PSME3: variants seen among roughly 807,000 people sequenced by gnomAD.
PSME3 encodes proteasome activator complex subunit 3.
A neutral mutation model predicts 38.3 loss-of-function variants in PSME3; 7 were observed. The ratio of observed to expected loss-of-function variants is 0.18; its 90% CI spans 0.10 to 0.34. The LOEUF (loss-of-function observed/expected upper bound fraction) is 0.34. Among genes scored for constraint, PSME3 ranks in the 10% least tolerant of loss-of-function variants. The pLI is 1.00. For synonymous variants in PSME3, 108 were observed against 105.7 expected, an observed-to-expected ratio of 1.02 and a Z score of -0.13; for missense variants, 192 against 307.6, an observed-to-expected ratio of 0.62 and a Z score of 2.81.
rs2055543161 is a variant in PSME3, at chr17:42,842,238, A to C, written c.*660A>C. The C allele has an allele frequency of 6.6e-6, 1 of 152,570 alleles. No homozygotes were observed. The highest frequency in any genetic ancestry group is 2.1e-4 in the South Asian group (1 of 4,834). The allele number at this position is 152,570 out of a possible 1,614,324, so 9.5% of individuals were successfully genotyped here. A position where few individuals can be genotyped will look rare whatever the true frequency, so the allele number is the denominator to read the frequency against. ...TGTATGCATGTATACGCCCATACAG[A>C]CATGCACACACAGACTCCTACTCCA... is the stretch of plus-strand genomic sequence containing the variant. On this transcript the variant is annotated 3_prime_UTR_variant, in exon 11 of 11. Transcript: ENST00000590720.
At chr17:42,834,108 A>C (rs563690237) in intron 1 of PSME3, 1 of 1,454,402 alleles carries the variant, frequency 6.9e-7, no homozygotes, top group South Asian at 1.5e-5. Context: ...CTTCAGACAC[A>C]GGAGGAAGGG....
Position 42,838,989 on chromosome 17 carries a change from A to G in PSME3, c.519A>G (p.Ala173=), listed in dbSNP as rs376102848. 9.3e-6 allele frequency: 15 copies of G among 1,614,066 alleles called. No individual in the cohort carries two copies. The highest frequency in any genetic ancestry group is 1.1e-5 in the South Asian group (1 of 91,092). The change falls in exon 8 of 11, where the codon GCA becomes GCG. Residue 173 remains alanine, a synonymous_variant. Transcript: ENST00000590720. ...AELRTVESEA[A]SYLDQISRYY... ...TAAGAACTGTTGAGAGTGAAGCTGC[A>G]TCTTATCTGGACCAGATTTCTAGGT...
intron 4 of PSME3, among the ~76,000 whole-genome samples, chr17:42,835,534 G>C (rs1005751618): frequency 6.6e-6 from 1 of 152,044 alleles, no homozygotes; most frequent in Non-Finnish European, 1.5e-5. Flanking sequence ...GACCATCCTG[G>C]CTAACACCGT....
chr17:42,837,214 C>G (rs1243104852), intron 4 of PSME3, among the ~76,000 whole-genome samples: 3 of 152,150 alleles, frequency 2.0e-5, no homozygotes, highest in African/African-American at 7.2e-5. Flanking sequence ...CCACGCCCAG[C>G]TAATTTTTGT....
chr17:42,837,156 G>A (rs1202085359), intron 4 of PSME3, among the ~76,000 whole-genome samples: 2 of 152,048 alleles, frequency 1.3e-5, no homozygotes, highest in African/African-American at 4.8e-5. Context: ...GGTTCAAGCA[G>A]TTCTCTGCAT....
In PSME3 at chr17:42,839,176, G is replaced by C. The variant is rs1295703222; in HGVS notation, c.597+10G>C. ...TAAATATCCCCATGTGGTAAGTAAGGGGTTTGTGGCCTGAGGGTGGAGGTG... is the reference window on the plus strand; with the variant it reads ...TAAATATCCCCATGTGGTAAGTAAGCGGTTTGTGGCCTGAGGGTGGAGGTG... On this transcript the variant is annotated intron_variant, in intron 9 of 10. Coordinates refer to ENST00000590720, the MANE Select transcript of PSME3 (RefSeq NM_005789.4). 3 of 1,576,898 alleles carry C rather than the reference G, an allele frequency of 1.9e-6. No individual in the cohort carries two copies. Among genetic ancestry groups the C allele is most frequent in the African/African-American group, 2.7e-5 (2 of 73,972 alleles).
chr17:42,836,985 A>G (rs56017239), intron 4 of PSME3, among the ~76,000 whole-genome samples: 3,121 of 151,416 alleles, frequency 0.021, 50 homozygotes, highest in South Asian at 0.037. Context: ...GGTTCAAGCA[A>G]TTCTCCTGCC....
intron 10 of PSME3, among the ~76,000 whole-genome samples, chr17:42,839,723 G>A (rs866919714): frequency 4.6e-5 from 7 of 152,326 alleles, no homozygotes; most frequent in African/African-American, 1.7e-4. Flanking sequence ...TGGGCTGGGC[G>A]CAGTGGCTAA....
Position 42,834,805 on chromosome 17 carries a change from A to G in PSME3, c.172A>G (p.Ile58Val). 6.2e-7 allele frequency: 1 copy of G among 1,614,182 alleles called. No homozygotes were observed. Among genetic ancestry groups the G allele is most frequent in the Non-Finnish European group, 8.5e-7 (1 of 1,180,024 alleles). ...PILNIHDLTQ[I>V]HSDMNLPVPD... ...CTTAAACATCCATGACCTAACTCAG[A>G]TCCACTCTGACATGAATCTCCCAGT... is the stretch of plus-strand genomic sequence containing the variant. The change falls in exon 4 of 11, where the codon ATC (isoleucine) becomes GTC (valine). Residue 58 changes from isoleucine (I) to valine (V), a missense_variant. This residue lies in a region of PSME3 where 110 missense variants were observed against 139.3 expected (regional missense o/e 0.79). Transcript: ENST00000590720.
rs926240519 is a variant in PSME3 at position 42,841,563 on chromosome 17, A to G, written c.750A>G (p.Ala250=). The G allele has an allele frequency of 5.0e-6, 8 of 1,608,356 alleles. No individual in the cohort carries two copies. The African/African-American group carries it at 9.4e-5, about 19-fold the overall frequency. The change falls in exon 11 of 11, where the codon GCA becomes GCG. Residue 250 remains alanine, a synonymous_variant. Coordinates refer to ENST00000590720, the MANE Select transcript of PSME3 (RefSeq NM_005789.4). ...TCAAACGGCCCCGGAGCAGCAATGC[A>G]GAGACTCTGTACTGAGGCCAGGGCC... The part of the protein sequence containing the change: ...EKIKRPRSSN[A]ETLY
chr17:42,837,329 A>G (rs2055475118), intron 4 of PSME3, among the ~76,000 whole-genome samples: 1 of 152,084 alleles, frequency 6.6e-6, no homozygotes, highest in Admixed American at 6.6e-5. Flanking sequence ...GATTACAGGC[A>G]TGAACCACCG....
chr17:42,841,572 G>C lies in PSME3; in HGVS notation c.759G>C (p.Leu253=). 6.2e-7 allele frequency: 1 copy of C among 1,603,032 alleles called. No homozygotes were observed. Among genetic ancestry groups the C allele is most frequent in the Non-Finnish European group, 8.5e-7 (1 of 1,173,672 alleles). ...KRPRSSNAET[L]Y ...CCCGGAGCAGCAATGCAGAGACTCT[G>C]TACTGAGGCCAGGGCCAGGGCCAGG... The change falls in exon 11 of 11, where the codon CTG becomes CTC. Residue 253 remains leucine (L), a synonymous_variant. Coordinates refer to ENST00000590720, the MANE Select transcript of PSME3 (RefSeq NM_005789.4).
At chr17:42,839,549 T>C (rs1035075796) in intron 10 of PSME3, among the ~76,000 whole-genome samples, 169 bp downstream of exon 10, 1 of 152,160 alleles carries the variant, frequency 6.6e-6, no homozygotes, top group African/African-American at 2.4e-5. Context: ...TAGCAGGGTA[T>C]CTCTCTTTTT....
intron 10 of PSME3, 76 bp downstream of exon 10, chr17:42,839,456 G>C: frequency 1.6e-6 from 2 of 1,226,942 alleles, no homozygotes; most frequent in Non-Finnish European, 2.4e-6. Context: ...AAAATTCTCT[G>C]AAGGGCTGAG....
chr17:42,840,570 T>C (rs1447362118), intron 10 of PSME3, among the ~76,000 whole-genome samples: 1 of 152,072 alleles, frequency 6.6e-6, no homozygotes, highest in Non-Finnish European at 1.5e-5. Context: ...ATCGTGCCAC[T>C]GTACTCCAGC....
Position 42,833,573 on chromosome 17 carries a change from C to T in PSME3, c.-59C>T, listed in dbSNP as rs757502396. The T allele has an allele frequency of 1.9e-6, 3 of 1,610,522 alleles. No homozygotes were observed. Among genetic ancestry groups the T allele is most frequent in the Admixed American group, 1.7e-5 (1 of 59,986 alleles). On this transcript the variant is annotated 5_prime_UTR_variant, in exon 1 of 11. Transcript: ENST00000590720. ...AGATTTCTCAGGTCCCTCCGGCCCC[C>T]TCCCTGGAGTCCACAGCGCCTCCGG... is the stretch of plus-strand genomic sequence containing the variant.
Position 42,841,746 on chromosome 17 carries a change from C to T in PSME3, c.*168C>T, listed in dbSNP as rs573697759. On this transcript the variant is annotated 3_prime_UTR_variant, in exon 11 of 11. Coordinates refer to ENST00000590720, the MANE Select transcript of PSME3 (RefSeq NM_005789.4). Reference sequence around the variant, plus strand: ...CTCATCTAGTTCTGTGATGTGTTTACCTCTTTTTTCAGGCCTCAGGAACTC... The same window carrying T: ...CTCATCTAGTTCTGTGATGTGTTTATCTCTTTTTTCAGGCCTCAGGAACTC... The T allele has an allele frequency of 3.1e-5, 15 of 483,860 alleles. No homozygotes were observed. The highest frequency in any genetic ancestry group is 2.8e-4 in the African/African-American group (14 of 49,808). 30.0% of individuals were successfully genotyped at this position (483,860 alleles called of 1,614,324 possible).
chr17:42,833,853 T>C, intron 1 of PSME3, 180 bp downstream of exon 1: 1 of 1,506,732 alleles, frequency 6.6e-7, no homozygotes, highest in Non-Finnish European at 8.9e-7. Flanking sequence ...ATAGGATGGC[T>C]TTCTGTACCG....
rs780618242 is a variant in PSME3, at chr17:42,841,759, G to T, written c.*181G>T. 4.2e-6 allele frequency: 2 copies of T among 476,674 alleles called. No homozygotes were observed. Among genetic ancestry groups the T allele is most frequent in the Non-Finnish European group, 7.4e-6 (2 of 270,802 alleles). 29.5% of individuals were successfully genotyped at this position (476,674 alleles called of 1,614,324 possible). On this transcript the variant is annotated 3_prime_UTR_variant, in exon 11 of 11. Coordinates refer to ENST00000590720, the MANE Select transcript of PSME3 (RefSeq NM_005789.4). ...GTGATGTGTTTACCTCTTTTTTCAG[G>T]CCTCAGGAACTCTTCTATTTCCTTC... is the stretch of plus-strand genomic sequence containing the variant.
Sources: allele counts gnomAD v4.1 joint callset (sites outside exome capture counted in the v4.1 genomes callset), GRCh38; gene constraint gnomAD v4.1.1; regional missense constraint gnomAD v4.1.1; transcripts MANE v1.5; gene names NCBI Gene and HGNC (gene_info 2026-07-23, HGNC 2026-07-21).